STK4: variants seen among roughly 807,000 people sequenced by gnomAD.
STK4 encodes the protein serine/threonine-protein kinase 4.
STK4 carries 30 observed loss-of-function variants against 64.9 expected under a neutral mutation model. That is an observed-to-expected ratio of 0.46 (90% CI 0.35 to 0.63). The LOEUF (loss-of-function observed/expected upper bound fraction) is 0.63. Ranked by LOEUF, STK4 falls within the 20% of genes least tolerant of loss-of-function variation. The pLI is 0.01. For synonymous variants in STK4, 177 were observed against 199.0 expected (o/e 0.89, Z 0.93); for missense variants, 466 against 598.5 (o/e 0.78, Z 2.31).
chr20:44,991,617 G>A (rs545045718), intron 5 of STK4, among the ~76,000 whole-genome samples: 8 of 151,776 alleles, frequency 5.3e-5, no homozygotes, highest in Admixed American at 5.2e-4. Flanking sequence ...AAATTCGTTT[G>A]TAAATGTTCA....
intron 10 of STK4, among the ~76,000 whole-genome samples, chr20:45,063,371 GGCCACA>G (rs1162899357): frequency 6.6e-6 from 1 of 152,000 alleles, no homozygotes; most frequent in Non-Finnish European, 1.5e-5. Flanking sequence ...TATGCTTGTT[GGCCACA>G]TGTACATTTT....
chr20:45,004,777 T>C (rs11908600), intron 9 of STK4, among the ~76,000 whole-genome samples: 37,758 of 149,638 alleles, frequency 0.25, 5,240 homozygotes, highest in Middle Eastern at 0.42. Flanking sequence ...CTTTTTTCTT[T>C]TTTTTTTTTG....
intron 5 of STK4, among the ~76,000 whole-genome samples, chr20:44,992,768 C>T (rs2067658421): frequency 6.6e-6 from 1 of 152,042 alleles, no homozygotes. Context: ...AATCTTGGCT[C>T]ACTGTAACCT....
intron 10 of STK4, among the ~76,000 whole-genome samples, chr20:45,032,805 G>A (rs1173193202): frequency 6.6e-6 from 1 of 152,154 alleles, no homozygotes; most frequent in Non-Finnish European, 1.5e-5. Flanking sequence ...GGACTGCTAG[G>A]TTGAACAGTA....
intron 1 of STK4, chr20:44,970,509 C>T (rs1306948302): frequency 6.6e-6 from 1 of 152,086 alleles, no homozygotes; most frequent in Non-Finnish European, 1.5e-5. Flanking sequence ...CCAAAAAAAC[C>T]CTGGCATATG....
chr20:45,034,364 G>A (rs1039841664), intron 10 of STK4, among the ~76,000 whole-genome samples: 4 of 152,032 alleles, frequency 2.6e-5, no homozygotes, highest in African/African-American at 9.7e-5. Flanking sequence ...GGGGAAAGGC[G>A]AGAGACAGTT....
chr20:45,002,526 G>A (rs368144200), intron 9 of STK4, among the ~76,000 whole-genome samples: 17 of 152,216 alleles, frequency 1.1e-4, no homozygotes, highest in Admixed American at 3.3e-4. Context: ...TGCAGATTTT[G>A]TAATTCTCCC....
chr20:45,053,241 C>T, intron 10 of STK4: 1 of 1,408,150 alleles, frequency 7.1e-7, no homozygotes, highest in East Asian at 2.3e-5. Context: ...GTGGATCGTG[C>T]TAGCTGATTT....
At chr20:45,025,235 C>A in intron 10 of STK4, 105 bp downstream of exon 10, 1 of 1,320,614 alleles carries the variant, frequency 7.6e-7, no homozygotes, top group Non-Finnish European at 1.0e-6. Context: ...TCTCCTAAAC[C>A]ATCCCTGACA....
intron 9 of STK4, among the ~76,000 whole-genome samples, chr20:45,009,366 G>C (rs1299049925): frequency 3.9e-5 from 6 of 152,132 alleles, no homozygotes; most frequent in Admixed American, 2.6e-4. Context: ...GTTTATTTCT[G>C]AGTTTCCTAT....
At chr20:45,070,772 C>T (rs1481830696) in intron 10 of STK4, among the ~76,000 whole-genome samples, 1 of 151,762 alleles carries the variant, frequency 6.6e-6, no homozygotes, top group African/African-American at 2.4e-5. Flanking sequence ...CCTGTAATCC[C>T]AGCTACTTGG....
rs560113210 is a variant in STK4 at position 45,062,764 on chromosome 20, G to A, written c.1306-12254G>A. Among the ~76,000 whole-genome samples, 72 of 151,130 alleles carry A rather than the reference G, an allele frequency of 4.8e-4. 1 individual carries two copies. Among genetic ancestry groups the A allele is most frequent in the Middle Eastern group, 6.8e-3 (2 of 294 alleles). On this transcript the variant is annotated intron_variant, in intron 10 of 10. Coordinates refer to ENST00000372806, the MANE Select transcript of STK4 (RefSeq NM_006282.5). ...GCGATCTTGGCTCACTGCAAGCTCCGCCTCCCGGGTTCACGCCATTCCCCG... is the reference window on the plus strand; with the variant it reads ...GCGATCTTGGCTCACTGCAAGCTCCACCTCCCGGGTTCACGCCATTCCCCG...
chr20:45,060,545 C>A (rs1978901305), intron 10 of STK4, among the ~76,000 whole-genome samples: 1 of 152,118 alleles, frequency 6.6e-6, no homozygotes, highest in Non-Finnish European at 1.5e-5. Context: ...GTTGGCCAGG[C>A]TTTACAGTCA....
At chr20:45,022,582 T>C (rs902491699) in intron 9 of STK4, among the ~76,000 whole-genome samples, 2 of 152,248 alleles carry the variant, frequency 1.3e-5, no homozygotes, top group Non-Finnish European at 2.9e-5. Flanking sequence ...TTGATTTTTA[T>C]GACATGGTTT....
intron 10 of STK4, among the ~76,000 whole-genome samples, chr20:45,070,668 C>A (rs768805635): frequency 3.1e-4 from 47 of 152,132 alleles, no homozygotes; most frequent in Non-Finnish European, 6.8e-4. Context: ...GGCAGATCAC[C>A]TGAGGTCAGG....
At chr20:45,006,482 T>C (rs1161159872) in intron 9 of STK4, among the ~76,000 whole-genome samples, 2 of 152,118 alleles carry the variant, frequency 1.3e-5, no homozygotes, top group African/African-American at 4.8e-5. Flanking sequence ...TGCTATTATT[T>C]TGTGTTTTTT....
Position 45,025,116 on chromosome 20 carries a change from G to A in STK4, c.1291G>A (p.Gly431Arg). The A allele has an allele frequency of 6.2e-7, 1 of 1,611,468 alleles. No individual in the cohort carries two copies. Among genetic ancestry groups the A allele is most frequent in the Non-Finnish European group, 8.5e-7 (1 of 1,179,034 alleles). Reference sequence around the variant, plus strand: ...TTCAGATTGGAAAATACCACAGGATGGAGACTACGAGTTTGTAAGTAGTGT... The same window carrying A: ...TTCAGATTGGAAAATACCACAGGATAGAGACTACGAGTTTGTAAGTAGTGT... ...NSSDWKIPQD[G>R]DYEFLKSWTV... The change falls in exon 10 of 11, where the codon GGA (glycine) becomes AGA (arginine). Residue 431 changes from glycine to arginine, a missense_variant. By Grantham distance (125) the Gly-to-Arg change is moderately radical. This residue lies in a region of STK4 where 276 missense variants were observed against 308.9 expected (regional missense o/e 0.89). Coordinates refer to ENST00000372806, the MANE Select transcript of STK4 (RefSeq NM_006282.5).
At chr20:45,049,676 T>C (rs1207390970) in intron 10 of STK4, among the ~76,000 whole-genome samples, 3 of 152,226 alleles carry the variant, frequency 2.0e-5, no homozygotes, top group African/African-American at 7.2e-5. Context: ...GTACTGTGAA[T>C]TCAGCACTTC....
intron 4 of STK4, among the ~76,000 whole-genome samples, chr20:44,984,375 T>C (rs768156260): frequency 2.0e-5 from 3 of 151,966 alleles, no homozygotes; most frequent in Non-Finnish European, 2.9e-5. Context: ...TAATTTGTTA[T>C]GTATTTTTAG....
Sources: gnomAD v4.1 joint callset for allele counts (sites outside exome capture counted in the v4.1 genomes callset) on GRCh38, gnomAD v4.1.1 for gene constraint, gnomAD v4.1.1 regional missense constraint, MANE v1.5 for transcripts, NCBI Gene and HGNC (gene_info 2026-07-23, HGNC 2026-07-21) for gene names.